The following SORCS1 variants were observed in gnomAD, a reference collection of about 807,000 sequenced individuals.
SORCS1 encodes VPS10 domain-containing receptor SorCS1.
A neutral mutation model predicts 146.1 loss-of-function variants in SORCS1; 60 were observed. The ratio of observed to expected loss-of-function variants is 0.41; its 90% CI spans 0.33 to 0.51. SORCS1 has a LOEUF of 0.51. Ranked by LOEUF, SORCS1 falls within the 20% of genes least tolerant of loss-of-function variation. The probability of loss-of-function intolerance (pLI) is 0.21; values close to 1 mark genes in which losing one functional copy is unlikely to be tolerated. For synonymous variants in SORCS1, 637 were observed against 584.0 expected (o/e 1.09, Z -1.31); for missense variants, 1,352 against 1,487.6 (o/e 0.91, Z 1.50).
At chr10:106,806,409 T>TAAAATAAAATAAAAA (rs1947178770) in intron 3 of SORCS1, among the ~76,000 whole-genome samples, 1 of 137,860 alleles carries the variant, frequency 7.3e-6, no homozygotes, top group Admixed American at 7.5e-5. Flanking sequence ...TAAAATAAAA[T>TAAAATAAAATAAAAA]AAAATAAAAT....
At chr10:107,010,667 A>G (rs772270460) in intron 1 of SORCS1, among the ~76,000 whole-genome samples, 1 of 138,732 alleles carries the variant, frequency 7.2e-6, no homozygotes, top group Non-Finnish European at 1.5e-5. Flanking sequence ...CTGATTGAAC[A>G]ACTGAGCTAA....
intron 3 of SORCS1, among the ~76,000 whole-genome samples, chr10:106,812,150 G>A (rs1178002374): frequency 3.3e-5 from 5 of 151,950 alleles, no homozygotes; most frequent in Non-Finnish European, 4.4e-5. Flanking sequence ...ACAGGCGCCC[G>A]CCACTGCATC....
intron 1 of SORCS1, among the ~76,000 whole-genome samples, chr10:107,157,509 T>C (rs142504200): frequency 6.6e-6 from 1 of 152,324 alleles, no homozygotes; most frequent in African/African-American, 2.4e-5. Context: ...TGTCGATCTT[T>C]GAAAACTGAA....
chr10:106,650,845 C>CCTAG, intron 18 of SORCS1, among the ~76,000 whole-genome samples: 1 of 152,246 alleles, frequency 6.6e-6, no homozygotes, highest in Middle Eastern at 3.4e-3. Flanking sequence ...TCTCTTAACT[C>CCTAG]CTAGTCCTCC....
chr10:107,068,609 G>A (rs1193059002), intron 1 of SORCS1, among the ~76,000 whole-genome samples: 1 of 152,186 alleles, frequency 6.6e-6, no homozygotes, highest in Non-Finnish European at 1.5e-5. Context: ...GCTCACGCCT[G>A]TAATCCCACC....
At chr10:106,989,680 G>GTTTTTTTTTTTTTTTTT (rs761689988) in intron 1 of SORCS1, among the ~76,000 whole-genome samples, 2 of 70,360 alleles carry the variant, frequency 2.8e-5, no homozygotes, top group African/African-American at 1.1e-4. Flanking sequence ...GTTTTTTTTT[G>GTTTTTTTTTTTTTTTTT]TTTTTTTTTT....
intron 10 of SORCS1, among the ~76,000 whole-genome samples, 184 bp downstream of exon 10, chr10:106,688,008 A>G (rs1852990636): frequency 6.6e-6 from 1 of 152,148 alleles, no homozygotes. Context: ...ATGTTCTCCC[A>G]TCTCTTTGGC....
At chr10:106,842,513 C>T (rs1277919758) in intron 2 of SORCS1, among the ~76,000 whole-genome samples, 1 of 152,012 alleles carries the variant, frequency 6.6e-6, no homozygotes, top group Non-Finnish European at 1.5e-5. Context: ...GAATTACAGG[C>T]GTGAGCCATT....
At chr10:106,668,386 C>T (rs766147113) in intron 16 of SORCS1, among the ~76,000 whole-genome samples, 5 of 152,196 alleles carry the variant, frequency 3.3e-5, no homozygotes, top group South Asian at 2.1e-4. Flanking sequence ...AGGCAGTTAG[C>T]GCTGCCACTT....
chr10:107,091,161 C>A (rs1272189758), intron 1 of SORCS1, among the ~76,000 whole-genome samples: 2 of 152,354 alleles, frequency 1.3e-5, no homozygotes, highest in South Asian at 4.1e-4. Flanking sequence ...CAAATCTCAT[C>A]ACGCAGCTGC....
intron 2 of SORCS1, among the ~76,000 whole-genome samples, chr10:106,857,151 T>TCCCCA (rs1241658002): frequency 3.3e-5 from 5 of 152,166 alleles, no homozygotes; most frequent in African/African-American, 1.2e-4. Context: ...CCCAGGACAG[T>TCCCCA]GCTGGCACAA....
intron 2 of SORCS1, among the ~76,000 whole-genome samples, chr10:106,945,828 G>T (rs915281889): frequency 5.3e-5 from 8 of 152,222 alleles, no homozygotes; most frequent in Non-Finnish European, 1.2e-4. Context: ...GGTGCAAGCT[G>T]AGGCCAGACT....
At chr10:107,141,756 T>C (rs775285166) in intron 1 of SORCS1, among the ~76,000 whole-genome samples, 11 of 152,156 alleles carry the variant, frequency 7.2e-5, no homozygotes, top group East Asian at 1.9e-4. Flanking sequence ...TGGCTTCCTG[T>C]TGCACTCAGG....
intron 2 of SORCS1, among the ~76,000 whole-genome samples, chr10:106,843,870 C>A (rs187845469): frequency 1.3e-5 from 2 of 152,196 alleles, no homozygotes; most frequent in Non-Finnish European, 2.9e-5. Flanking sequence ...AACACAGAAG[C>A]ACCAGCTATC....
intron 18 of SORCS1, among the ~76,000 whole-genome samples, chr10:106,632,387 A>G (rs1848489429): frequency 6.6e-6 from 1 of 152,180 alleles, no homozygotes; most frequent in African/African-American, 2.4e-5. Flanking sequence ...CCACTGTAAC[A>G]GCTTCACGCT....
intron 2 of SORCS1, among the ~76,000 whole-genome samples, chr10:106,853,945 G>A (rs1949687233): frequency 6.6e-6 from 1 of 151,914 alleles, no homozygotes; most frequent in Non-Finnish European, 1.5e-5. Context: ...AGGTGATATT[G>A]TCTAGAGATA....
Position 106,642,267 on chromosome 10 carries a change from GA to G in SORCS1, c.2475+10114del, listed in dbSNP as rs1220256448. Reference sequence around the variant, plus strand: ...GAGGCACAAGCTCTGGTACTCACATGAAAAAAATATTGTTAACAACTTGGGG... The same window carrying G: ...GAGGCACAAGCTCTGGTACTCACATGAAAAAATATTGTTAACAACTTGGGG... On this transcript the variant is annotated intron_variant, in intron 18 of 25. Coordinates refer to ENST00000263054, the MANE Select transcript of SORCS1 (RefSeq NM_052918.5). Among the ~76,000 whole-genome samples the G allele has an allele frequency of 6.6e-5, 10 of 152,090 alleles. No individual in the cohort carries two copies. In the South Asian group the frequency reaches 8.3e-4, roughly 13 times the overall value.
rs189143093 is a variant in SORCS1 at position 106,606,183 on chromosome 10, G to A, written c.3165+983C>T. Among the ~76,000 whole-genome samples, 367 of 152,148 alleles carry A rather than the reference G, an allele frequency of 2.4e-3. 1 individual carries two copies. Among genetic ancestry groups the A allele is most frequent in the Non-Finnish European group, 4.1e-3 (282 of 68,008 alleles). On this transcript the variant is annotated intron_variant, in intron 23 of 25. Coordinates refer to ENST00000263054, the MANE Select transcript of SORCS1 (RefSeq NM_052918.5). ...AATTATCCCCACTACAGAGACAGGA[G>A]AGTCTTTTAAAGTTAAAAGGAGGAA...
At chr10:106,862,895 A>C (rs1230682042) in intron 2 of SORCS1, among the ~76,000 whole-genome samples, 2 of 152,214 alleles carry the variant, frequency 1.3e-5, no homozygotes, top group Non-Finnish European at 2.9e-5. Flanking sequence ...AGTCATGAAA[A>C]GAATCCAGGT....
Sources: allele counts gnomAD v4.1 joint callset (sites outside exome capture counted in the v4.1 genomes callset), GRCh38; gene constraint gnomAD v4.1.1; transcripts MANE v1.5; gene names NCBI Gene and HGNC (gene_info 2026-07-23, HGNC 2026-07-21).